WWOX: variants seen among roughly 807,000 people sequenced by gnomAD.
The protein encoded by WWOX is WW domain-containing oxidoreductase.
A neutral mutation model predicts 46.2 loss-of-function variants in WWOX; 69 were observed. That is an observed-to-expected ratio of 1.49 (90% CI 1.23 to 1.82). WWOX has a LOEUF of 1.82. WWOX is among the 40% of genes most tolerant of loss of function. The probability of loss-of-function intolerance (pLI) is 0.00; values close to 1 mark genes in which losing one functional copy is unlikely to be tolerated. For missense variants in WWOX, 919 were observed against 542.6 expected (o/e 1.69, Z -6.89); for synonymous variants, 359 against 202.6 (o/e 1.77, Z -6.56).
chr16:78,866,114 T>C (rs2043997692), intron 8 of WWOX, among the ~76,000 whole-genome samples: 1 of 152,194 alleles, frequency 6.6e-6, no homozygotes, highest in Non-Finnish European at 1.5e-5. Context: ...AAAAAATTGA[T>C]CTCTTTCTCT....
chr16:78,612,252 T>C (rs949642377), intron 8 of WWOX, among the ~76,000 whole-genome samples: 23 of 152,272 alleles, frequency 1.5e-4, no homozygotes, highest in Non-Finnish European at 2.9e-4. Flanking sequence ...GCAAGGGCCC[T>C]TGAAGGTTTG....
At chr16:78,605,810 A>G (rs78040493) in intron 8 of WWOX, among the ~76,000 whole-genome samples, 2,129 of 152,246 alleles carry the variant, frequency 0.014, 16 homozygotes, top group Non-Finnish European at 0.023. Context: ...GGTTAAATTG[A>G]ACCTTTCCCC....
intron 8 of WWOX, among the ~76,000 whole-genome samples, chr16:78,893,202 A>C (rs1394054282): frequency 6.6e-6 from 1 of 152,044 alleles, no homozygotes; most frequent in Non-Finnish European, 1.5e-5. Context: ...AGAAAAAAAA[A>C]AAAGTGGGGA....
chr16:78,780,177 C>T (rs1477413), intron 8 of WWOX, among the ~76,000 whole-genome samples: 48,332 of 151,940 alleles, frequency 0.32, 8,125 homozygotes, highest in South Asian at 0.38. Flanking sequence ...TCCTCTCCAG[C>T]CCTCACCTGG....
chr16:78,731,930 C>G (rs564366422), intron 8 of WWOX, among the ~76,000 whole-genome samples: 1 of 149,898 alleles, frequency 6.7e-6, no homozygotes, highest in East Asian at 2.0e-4. Context: ...TCTTTGCAGC[C>G]TTGAACTCTG....
At chr16:79,021,834 C>A (rs958605108) in intron 8 of WWOX, among the ~76,000 whole-genome samples, 2 of 152,286 alleles carry the variant, frequency 1.3e-5, no homozygotes, top group East Asian at 1.9e-4. Flanking sequence ...GTAGCTTGTT[C>A]AATCACACAT....
intron 8 of WWOX, among the ~76,000 whole-genome samples, chr16:78,585,197 C>T (rs781624854): frequency 1.3e-5 from 2 of 152,188 alleles, no homozygotes; most frequent in African/African-American, 2.4e-5. Flanking sequence ...GACCACAGGA[C>T]AGCTTAAATG....
At chr16:78,635,374 G>A (rs958016207) in intron 8 of WWOX, among the ~76,000 whole-genome samples, 2 of 152,146 alleles carry the variant, frequency 1.3e-5, no homozygotes, top group Non-Finnish European at 2.9e-5. Context: ...TCCTGATTAG[G>A]GGACCTCTGC....
chr16:78,866,593 A>G (rs2044008993), intron 8 of WWOX, among the ~76,000 whole-genome samples: 1 of 152,232 alleles, frequency 6.6e-6, no homozygotes, highest in South Asian at 2.1e-4. Flanking sequence ...TTAAGTGTTC[A>G]GGGCCACCAA....
At chr16:78,471,052 T>C (rs1481300003) in intron 8 of WWOX, among the ~76,000 whole-genome samples, 3 of 152,236 alleles carry the variant, frequency 2.0e-5, no homozygotes, top group African/African-American at 7.2e-5. Context: ...GTATTTTCAC[T>C]CTTCCTTCCT....
chr16:78,393,151 A>T (rs978020521), intron 6 of WWOX, among the ~76,000 whole-genome samples: 15 of 152,168 alleles, frequency 9.9e-5, no homozygotes, highest in African/African-American at 3.6e-4. Context: ...CCATAGGAGT[A>T]TGAAGAGCTG....
chr16:78,461,526 C>G (rs2083948839), intron 8 of WWOX, among the ~76,000 whole-genome samples: 1 of 152,184 alleles, frequency 6.6e-6, no homozygotes, highest in African/African-American at 2.4e-5. Flanking sequence ...GCAAGTCAAA[C>G]AGATCCTTTC....
chr16:78,641,211 T>C (rs755209442), intron 8 of WWOX, among the ~76,000 whole-genome samples: 5 of 152,084 alleles, frequency 3.3e-5, no homozygotes, highest in Non-Finnish European at 2.9e-5. Flanking sequence ...TTTATTTTTT[T>C]TCAGGTCTAA....
At chr16:78,185,317 C>A (rs948998097) in intron 5 of WWOX, among the ~76,000 whole-genome samples, 3 of 152,138 alleles carry the variant, frequency 2.0e-5, no homozygotes, top group Admixed American at 6.6e-5. Context: ...ATAGAACAGG[C>A]GTCAAAGACC....
At chr16:79,003,644 C>G (rs1010584414) in intron 8 of WWOX, among the ~76,000 whole-genome samples, 5 of 152,054 alleles carry the variant, frequency 3.3e-5, no homozygotes, top group Admixed American at 2.0e-4. Flanking sequence ...AGGGCTTTGT[C>G]AGGTTAGCAG....
chr16:78,867,643 A>G (rs1055458416), intron 8 of WWOX, among the ~76,000 whole-genome samples: 2 of 151,896 alleles, frequency 1.3e-5, no homozygotes, highest in Non-Finnish European at 2.9e-5. Context: ...CAGGTTCAAG[A>G]GAGTCTCCCA....
intron 8 of WWOX, among the ~76,000 whole-genome samples, chr16:78,870,959 C>T (rs2044115020): frequency 6.6e-6 from 1 of 152,186 alleles, no homozygotes; most frequent in Admixed American, 6.5e-5. Context: ...TTTACCACAA[C>T]CACCAGAGTC....
chr16:78,778,602 G>A (rs180822153), intron 8 of WWOX, among the ~76,000 whole-genome samples: 21 of 152,224 alleles, frequency 1.4e-4, no homozygotes, highest in Admixed American at 7.2e-4. Flanking sequence ...TCAAGGTGTG[G>A]TCTCAGAGTC....
rs1241287924 is a variant in WWOX at position 78,636,152 on chromosome 16, G to A, written c.1056+203400G>A. ...AGTTTCTGGCTCCAGTTTAATAAAA[G>A]GTAGTATATTATAATGGAAACCAGG... On this transcript the variant is annotated intron_variant, in intron 8 of 8. Transcript: ENST00000566780. Among the ~76,000 whole-genome samples the A allele has an allele frequency of 3.3e-5, 5 of 152,212 alleles. No individual in the cohort carries two copies. In the South Asian group the frequency reaches 1.0e-3, roughly 32 times the overall value.
Sources: allele counts gnomAD v4.1 joint callset (sites outside exome capture counted in the v4.1 genomes callset), GRCh38; gene constraint gnomAD v4.1.1; transcripts MANE v1.5; gene names NCBI Gene and HGNC (gene_info 2026-07-23, HGNC 2026-07-21).